SYNDIG1L: variants seen among roughly 807,000 people sequenced by gnomAD.
The protein encoded by SYNDIG1L is synapse differentiation inducing 1 like, also known as synapse differentiation-inducing gene protein 1-like.
A neutral mutation model predicts 20.1 loss-of-function variants in SYNDIG1L; 13 were observed. The ratio of observed to expected loss-of-function variants is 0.65; its 90% CI spans 0.42 to 1.03. SYNDIG1L has a LOEUF of 1.03. SYNDIG1L is among the 50% of genes least tolerant of loss of function. The pLI is 0.00. For synonymous variants in SYNDIG1L, 128 were observed against 129.3 expected, an observed-to-expected ratio of 0.99 and a Z score of 0.07; for missense variants, 294 against 305.1, an observed-to-expected ratio of 0.96 and a Z score of 0.27.
At chr14:74,473,379 C>T in the SYNDIG1L span, among the ~76,000 whole-genome samples, 3 of 152,024 alleles carry the variant, frequency 2.0e-5, no homozygotes, top group East Asian at 5.8e-4. Flanking sequence ...AGTGAGACTC[C>T]ATCTCAAAAA....
chr14:74,454,703 T>C, the SYNDIG1L span, among the ~76,000 whole-genome samples: 2 of 152,250 alleles, frequency 1.3e-5, no homozygotes, highest in Non-Finnish European at 2.9e-5. Context: ...CCTTGCCCTC[T>C]GCCTCAGGGT....
the SYNDIG1L span, among the ~76,000 whole-genome samples, chr14:74,438,552 T>C: frequency 6.6e-6 from 1 of 152,136 alleles, no homozygotes; most frequent in Non-Finnish European, 1.5e-5. Flanking sequence ...TTGCTAATAA[T>C]TATTGAGGAA....
the SYNDIG1L span, among the ~76,000 whole-genome samples, chr14:74,452,552 C>T: frequency 1.3e-5 from 2 of 152,204 alleles, no homozygotes; most frequent in South Asian, 2.1e-4. Context: ...GCTTCCCCAG[C>T]CATGTGGAAC....
At chr14:74,428,644 G>A (rs1319409125), upstream of SYNDIG1L, among the ~76,000 whole-genome samples, 1 of 152,156 alleles carries the variant, frequency 6.6e-6, no homozygotes, top group Non-Finnish European at 1.5e-5. Flanking sequence ...GAGGCTTCCT[G>A]GAGAAGGTCT....
chr14:74,440,332 A>G, the SYNDIG1L span, among the ~76,000 whole-genome samples: 9 of 151,384 alleles, frequency 5.9e-5, no homozygotes, highest in Admixed American at 1.3e-4. Flanking sequence ...TGGCTAACAC[A>G]GTGAAACCCC....
the SYNDIG1L span, among the ~76,000 whole-genome samples, chr14:74,436,735 A>T: frequency 2.0e-5 from 3 of 151,696 alleles, no homozygotes; most frequent in African/African-American, 4.8e-5. Flanking sequence ...CTGCAATCCC[A>T]GCTACTCGGG....
At chr14:74,417,254 T>A (rs544595137) in intron 1 of SYNDIG1L, among the ~76,000 whole-genome samples, 69 of 152,222 alleles carry the variant, frequency 4.5e-4, no homozygotes, top group African/African-American at 1.7e-3. Flanking sequence ...AGACCAGAGG[T>A]CCTGGCAAAG....
intron 1 of SYNDIG1L, among the ~76,000 whole-genome samples, chr14:74,424,858 G>A (rs2086252438): frequency 6.6e-6 from 1 of 152,156 alleles, no homozygotes; most frequent in South Asian, 2.1e-4. Context: ...TCCCTGAGGT[G>A]AGCAGAGCGG....
the SYNDIG1L span, chr14:74,480,002 G>T: frequency 7.0e-7 from 1 of 1,421,350 alleles, no homozygotes; most frequent in Non-Finnish European, 9.2e-7. Context: ...TGTAGAAAGA[G>T]GCCACAAGTT....
At chr14:74,422,686 C>G (rs1595199326) in intron 1 of SYNDIG1L, among the ~76,000 whole-genome samples, 1 of 149,776 alleles carries the variant, frequency 6.7e-6, no homozygotes. Flanking sequence ...CACACAATTT[C>G]TCTTTTTTTT....
At chr14:74,414,499 C>T (rs1008568854) in intron 1 of SYNDIG1L, among the ~76,000 whole-genome samples, 8 of 152,192 alleles carry the variant, frequency 5.3e-5, no homozygotes, top group African/African-American at 1.7e-4. Context: ...TGCCACCTTC[C>T]AGACCAGGGG....
chr14:74,465,468 C>G, the SYNDIG1L span, among the ~76,000 whole-genome samples: 1 of 152,174 alleles, frequency 6.6e-6, no homozygotes, highest in Non-Finnish European at 1.5e-5. Flanking sequence ...AGGAACAGAT[C>G]TAGGTGTTTC....
chr14:74,440,516 T>TTA, the SYNDIG1L span, among the ~76,000 whole-genome samples: 1 of 97,242 alleles, frequency 1.0e-5, no homozygotes, highest in African/African-American at 4.6e-5. Context: ...CTCCGTCTCA[T>TTA]AAAAAAAAAA....
At chr14:74,411,670 G>GGACGAA (rs1223660827) in intron 1 of SYNDIG1L, among the ~76,000 whole-genome samples, 1 of 152,180 alleles carries the variant, frequency 6.6e-6, no homozygotes, top group Non-Finnish European at 1.5e-5. Context: ...AATCAGACCT[G>GGACGAA]GACGAAGACA....
the SYNDIG1L span, among the ~76,000 whole-genome samples, chr14:74,465,034 C>T: frequency 6.6e-6 from 1 of 152,188 alleles, no homozygotes; most frequent in African/African-American, 2.4e-5. Context: ...AGACCTGCCT[C>T]CACTGGCTCT....
At chr14:74,460,437 A>T in the SYNDIG1L span, among the ~76,000 whole-genome samples, 1 of 152,026 alleles carries the variant, frequency 6.6e-6, no homozygotes, top group Non-Finnish European at 1.5e-5. Flanking sequence ...GAACCTGGTC[A>T]TTTCAGAGCT....
the SYNDIG1L span, among the ~76,000 whole-genome samples, chr14:74,433,477 G>A: frequency 2.6e-5 from 4 of 152,030 alleles, 1 homozygote; most frequent in African/African-American, 7.2e-5. Flanking sequence ...TCCACCTCCT[G>A]GGCTCAAGTG....
In SYNDIG1L at chr14:74,409,532, G is replaced by C; in HGVS notation, c.213C>G (p.Ser71Arg). Reference protein sequence around the residue: ...QLAVEAWYRPSCLLGRDKVKE... With the variant: ...QLAVEAWYRPRCLLGRDKVKE... ...TGACCTTGTCTCTCCCCAGGAGGCA[G>C]CTGGGCCGGTACCAGGCCTCCACGG... Residue 71 changes from serine to arginine, a missense_variant, in exon 2 of 4, where the codon AGC becomes AGG. Transcript: ENST00000331628. The C allele has an allele frequency of 6.3e-7, 1 of 1,586,330 alleles. No individual in the cohort carries two copies. Among genetic ancestry groups the C allele is most frequent in the African/African-American group, 1.4e-5 (1 of 74,040 alleles).
Position 74,409,563 on chromosome 14 carries a change from T to C in SYNDIG1L, c.182A>G (p.Gln61Arg). ...AHQLLDPGSL[Q>R]LAVEAWYRPS... is the part of the protein sequence containing the mutation. ...CCGGTACCAGGCCTCCACGGCCAGCTGCAGGGACCCTGGGTCCAGGAGCTG... is the reference window on the plus strand; with the variant it reads ...CCGGTACCAGGCCTCCACGGCCAGCCGCAGGGACCCTGGGTCCAGGAGCTG... Residue 61 changes from glutamine (Q) to arginine (R), a missense_variant, in exon 2 of 4, where the codon CAG becomes CGG. Physicochemically the swap from Gln to Arg is conservative, Grantham distance 43. Coordinates refer to ENST00000331628, the MANE Select transcript of SYNDIG1L (RefSeq NM_001105579.2). 2.0e-6 allele frequency: 3 copies of C among 1,532,438 alleles called. No individual in the cohort carries two copies. The highest frequency in any genetic ancestry group is 2.6e-6 in the Non-Finnish European group (3 of 1,140,672). The allele number at this position is 1,532,438 out of a possible 1,614,324, so 94.9% of individuals were successfully genotyped here.
Sources: allele counts gnomAD v4.1 joint callset (sites outside exome capture counted in the v4.1 genomes callset), GRCh38; gene constraint gnomAD v4.1.1; transcripts MANE v1.5; gene names NCBI Gene and HGNC (gene_info 2026-07-23, HGNC 2026-07-21).